Variants in UBASH3B observed in about 807,000 individuals in gnomAD.
The protein encoded by UBASH3B is ubiquitin-associated and SH3 domain-containing protein B.
A neutral mutation model predicts 83.4 loss-of-function variants in UBASH3B; 37 were observed. That is an observed-to-expected ratio of 0.44 (90% CI 0.34 to 0.58). The LOEUF (loss-of-function observed/expected upper bound fraction) is 0.58. Ranked by LOEUF, UBASH3B falls within the 20% of genes least tolerant of loss-of-function variation. The pLI, the probability that UBASH3B is intolerant of heterozygous loss-of-function variation, is 0.01. For missense variants in UBASH3B, 657 were observed against 827.2 expected, an observed-to-expected ratio of 0.79 and a Z score of 2.52; for synonymous variants, 304 against 318.3, an observed-to-expected ratio of 0.96 and a Z score of 0.48.
Position 122,796,277 on chromosome 11 carries a change from G to GT in UBASH3B, c.1234+2dup, listed in dbSNP as rs1359569691. On this transcript the variant is annotated splice_donor_variant, in intron 8 of 13. Coordinates refer to ENST00000284273, the MANE Select transcript of UBASH3B (RefSeq NM_032873.5). LOFTEE classifies it high-confidence loss of function. ...CTGTCCCAGTGCTTCGATGCCAAAGGTGAGTTGGTGGTGGGCCTGCTCAGC... is the reference window on the plus strand; with the variant it reads ...CTGTCCCAGTGCTTCGATGCCAAAGGTTGAGTTGGTGGTGGGCCTGCTCAGC... The GT allele has an allele frequency of 6.2e-7, 1 of 1,613,958 alleles. No individual in the cohort carries two copies. Among genetic ancestry groups the GT allele is most frequent in the Non-Finnish European group, 8.5e-7 (1 of 1,179,954 alleles).
At chr11:122,673,384 C>T (rs1424697369) in intron 1 of UBASH3B, among the ~76,000 whole-genome samples, 3 of 152,178 alleles carry the variant, frequency 2.0e-5, no homozygotes, top group South Asian at 2.1e-4. Flanking sequence ...CGCGGTGGCT[C>T]ACGCCTGTAA....
At chr11:122,704,284 C>T (rs1028497683) in intron 1 of UBASH3B, among the ~76,000 whole-genome samples, 2 of 152,198 alleles carry the variant, frequency 1.3e-5, no homozygotes, top group African/African-American at 4.8e-5. Flanking sequence ...AAGAAGTTCA[C>T]ATTTCTCAGC....
At chr11:122,785,922 C>T (rs1020699514) in intron 5 of UBASH3B, among the ~76,000 whole-genome samples, 1 of 152,214 alleles carries the variant, frequency 6.6e-6, no homozygotes. Flanking sequence ...AAAGGCAGTT[C>T]GGCTCTTGTA....
chr11:122,779,529 A>G lies in UBASH3B; in HGVS notation c.435A>G (p.Glu145=). The G allele has an allele frequency of 6.2e-7, 1 of 1,614,022 alleles. No homozygotes were observed. Among genetic ancestry groups the G allele is most frequent in the Non-Finnish European group, 8.5e-7 (1 of 1,179,980 alleles). Residue 145 remains glutamate (E), a synonymous_variant, in exon 4 of 14, where the codon GAA becomes GAG. Transcript: ENST00000284273. Reference sequence around the variant, plus strand: ...ACAGCAAGGTGGATGCCCTGGGGGAAGCCCTGCAGACCACGGTCAGTCGCT... The same window carrying G: ...ACAGCAAGGTGGATGCCCTGGGGGAGGCCCTGCAGACCACGGTCAGTCGCT... ...CEDSKVDALG[E]ALQTTVSRWK... is the part of the protein sequence containing the mutation.
At chr11:122,705,454 T>TAA (rs60998227) in intron 1 of UBASH3B, among the ~76,000 whole-genome samples, 1,018 of 59,536 alleles carry the variant, frequency 0.017, 29 homozygotes, top group East Asian at 0.17. Flanking sequence ...TCGAAAAACA[T>TAA]AAAAAAAAAA....
chr11:122,676,239 C>T (rs1211233991), intron 1 of UBASH3B, among the ~76,000 whole-genome samples: 1 of 151,550 alleles, frequency 6.6e-6, no homozygotes, highest in East Asian at 2.0e-4. Context: ...CCCGTCTTTA[C>T]TAAAAAAATA....
At chr11:122,781,088 G>T (rs945090464) in intron 4 of UBASH3B, among the ~76,000 whole-genome samples, 2 of 152,042 alleles carry the variant, frequency 1.3e-5, no homozygotes, top group Non-Finnish European at 2.9e-5. Context: ...ATCACTGCAG[G>T]ATCACAGTGC....
chr11:122,696,441 G>C (rs1191518715), intron 1 of UBASH3B, among the ~76,000 whole-genome samples: 1 of 151,162 alleles, frequency 6.6e-6, no homozygotes, highest in South Asian at 2.1e-4. Flanking sequence ...CTCCTGAGTA[G>C]CTTGGATTAT....
At position 122,813,438 on chromosome 11, in the gene UBASH3B, A is replaced by G. The variant is rs544193586; in HGVS notation, c.*3552A>G. ...CAAGTCCAGTGTTTAATTTCAAAGC[A>G]GTGATGAATTGCTCTTTTGAAATTA... is the stretch of plus-strand genomic sequence containing the variant. On this transcript the variant is annotated 3_prime_UTR_variant, in exon 14 of 14. Transcript: ENST00000284273. 5 of 152,362 alleles carry G rather than the reference A, an allele frequency of 3.3e-5. No homozygotes were observed. Among genetic ancestry groups the G allele is most frequent in the Admixed American group, 6.5e-5 (1 of 15,304 alleles). 9.4% of individuals were successfully genotyped at this position (152,362 alleles called of 1,614,324 possible).
At chr11:122,697,854 CCTGACA>C (rs1158873909) in intron 1 of UBASH3B, among the ~76,000 whole-genome samples, 1 of 152,142 alleles carries the variant, frequency 6.6e-6, no homozygotes, top group Non-Finnish European at 1.5e-5. Context: ...GCTTCATAGA[CCTGACA>C]CTGTCCAAGG....
At chr11:122,715,014 C>T (rs11218768) in intron 1 of UBASH3B, among the ~76,000 whole-genome samples, 8,109 of 152,178 alleles carry the variant, frequency 0.053, 209 homozygotes, top group East Asian at 0.12. Flanking sequence ...GGCGTGATCT[C>T]GGCTCACTGC....
chr11:122,774,545 T>C (rs903482495), intron 1 of UBASH3B, among the ~76,000 whole-genome samples: 1 of 152,186 alleles, frequency 6.6e-6, no homozygotes, highest in African/African-American at 2.4e-5. Flanking sequence ...AATCCAACCC[T>C]GCAATTCTCA....
intron 1 of UBASH3B, among the ~76,000 whole-genome samples, chr11:122,740,325 A>G (rs1375985575): frequency 6.6e-6 from 1 of 152,220 alleles, no homozygotes; most frequent in Non-Finnish European, 1.5e-5. Flanking sequence ...TGTGAACTGA[A>G]TCTTCCCAGG....
chr11:122,671,382 G>T (rs1276523255), intron 1 of UBASH3B, among the ~76,000 whole-genome samples: 1 of 152,178 alleles, frequency 6.6e-6, no homozygotes, highest in Non-Finnish European at 1.5e-5. Context: ...ATAAAAATTA[G>T]CCAGCATGGT....
chr11:122,743,682 C>A (rs180771320), intron 1 of UBASH3B, among the ~76,000 whole-genome samples: 1 of 152,214 alleles, frequency 6.6e-6, no homozygotes, highest in African/African-American at 2.4e-5. Flanking sequence ...TATTCGAAAG[C>A]AGGTCCCTGG....
intron 1 of UBASH3B, among the ~76,000 whole-genome samples, chr11:122,750,983 A>G (rs1392687052): frequency 6.6e-6 from 1 of 152,200 alleles, no homozygotes; most frequent in Non-Finnish European, 1.5e-5. Context: ...TGACAGTGGG[A>G]TTATTGAGAT....
intron 1 of UBASH3B, among the ~76,000 whole-genome samples, chr11:122,724,504 A>G (rs1860697510): frequency 6.6e-6 from 1 of 152,192 alleles, no homozygotes; most frequent in Non-Finnish European, 1.5e-5. Flanking sequence ...ACTGCCATGT[A>G]AAGTTGCTGT....
intron 1 of UBASH3B, among the ~76,000 whole-genome samples, chr11:122,733,768 T>C (rs1422162477): frequency 6.6e-6 from 1 of 152,260 alleles, no homozygotes; most frequent in Non-Finnish European, 1.5e-5. Flanking sequence ...AGAAGTAATG[T>C]CTTGTCTTAT....
At chr11:122,784,150 C>T (rs868197851) in intron 5 of UBASH3B, among the ~76,000 whole-genome samples, 9 of 152,050 alleles carry the variant, frequency 5.9e-5, no homozygotes, top group Admixed American at 1.3e-4. Flanking sequence ...CTGTGTTGGC[C>T]AGACTGGTCT....
Sources: gnomAD v4.1 joint callset for allele counts (sites outside exome capture counted in the v4.1 genomes callset) on GRCh38, gnomAD v4.1.1 for gene constraint, MANE v1.5 for transcripts, NCBI Gene and HGNC (gene_info 2026-07-23, HGNC 2026-07-21) for gene names.